The following ETV7 variants were observed in gnomAD, a reference collection of about 807,000 sequenced individuals.
ETV7 encodes the protein transcription factor ETV7.
In ETV7, 43 loss-of-function variants were observed where a neutral mutation model predicts 39.1. The observed-to-expected ratio is 1.10, with a 90% CI of 0.86 to 1.42. The LOEUF (loss-of-function observed/expected upper bound fraction) is 1.42. ETV7 is among the 40% of genes most tolerant of loss of function. The pLI is 0.00. For synonymous variants in ETV7, 196 were observed against 176.6 expected (o/e 1.11, Z -0.87); for missense variants, 432 against 442.3 (o/e 0.98, Z 0.21).
At chr6:36,360,895 G>C (rs186288059) in intron 7 of ETV7, among the ~76,000 whole-genome samples, 1 of 152,148 alleles carries the variant, frequency 6.6e-6, no homozygotes, top group Non-Finnish European at 1.5e-5. Flanking sequence ...CTCTCAAGCC[G>C]AATTCACTAG....
intron 2 of ETV7, among the ~76,000 whole-genome samples, chr6:36,377,701 A>G (rs937367536): frequency 6.6e-6 from 1 of 152,224 alleles, no homozygotes; most frequent in Non-Finnish European, 1.5e-5. Context: ...TTCCTTGTTC[A>G]TTCATTCAGC....
intron 5 of ETV7, 86 bp from the exon 6 acceptor site, chr6:36,369,157 C>T (rs541628265): frequency 6.6e-7 from 1 of 1,510,060 alleles, no homozygotes; most frequent in Admixed American, 1.8e-5. Context: ...TGGAAGCCTC[C>T]CGGCCAGAGC....
intron 7 of ETV7, among the ~76,000 whole-genome samples, chr6:36,359,928 C>T (rs74597314): frequency 6.6e-5 from 10 of 151,804 alleles, no homozygotes; most frequent in Admixed American, 6.6e-4. Context: ...GACCGAGTCT[C>T]ACTCTGATGC....
chr6:36,381,337 G>C (rs1339487473), intron 2 of ETV7, among the ~76,000 whole-genome samples: 1 of 152,184 alleles, frequency 6.6e-6, no homozygotes, highest in African/African-American at 2.4e-5. Context: ...CTTTGGACAA[G>C]ATAATTCACC....
At chr6:36,354,716 T>C in intron 7 of ETV7, 1 of 694,926 alleles carries the variant, frequency 1.4e-6, no homozygotes, top group Admixed American at 2.1e-5. Flanking sequence ...GCAGTTGGAA[T>C]TTTGATAGGG....
intron 3 of ETV7, 162 bp downstream of exon 3, chr6:36,375,709 C>T (rs1773289430): frequency 8.7e-7 from 1 of 1,154,500 alleles, no homozygotes; most frequent in Non-Finnish European, 1.2e-6. Flanking sequence ...CTAGGAACCA[C>T]CAGATACACA....
chr6:36,364,422 T>C (rs1463057791), downstream of ETV7, among the ~76,000 whole-genome samples: 1 of 152,216 alleles, frequency 6.6e-6, no homozygotes, highest in Non-Finnish European at 1.5e-5. Context: ...GCAGCGCCGG[T>C]GGGCTGGCAC....
At chr6:36,363,605 G>A (rs961492143), downstream of ETV7, among the ~76,000 whole-genome samples, 5 of 152,250 alleles carry the variant, frequency 3.3e-5, no homozygotes, top group Non-Finnish European at 5.9e-5. Flanking sequence ...GGTGTCAAAG[G>A]GGACCAGAAC....
chr6:36,370,746 CTT>C (rs1223402743), intron 5 of ETV7, among the ~76,000 whole-genome samples: 2 of 152,000 alleles, frequency 1.3e-5, no homozygotes, highest in Non-Finnish European at 2.9e-5. Context: ...CACCCTTCAG[CTT>C]ATCTGTCAGT....
chr6:36,378,376 G>A (rs535213872), intron 2 of ETV7, among the ~76,000 whole-genome samples: 1 of 152,080 alleles, frequency 6.6e-6, no homozygotes, highest in East Asian at 1.9e-4. Context: ...AATCTTAATA[G>A]AAGTAGAAAT....
intron 2 of ETV7, among the ~76,000 whole-genome samples, chr6:36,377,202 C>A (rs1333734170): frequency 6.6e-6 from 1 of 152,124 alleles, no homozygotes; most frequent in African/African-American, 2.4e-5. Flanking sequence ...GGCTCCCACC[C>A]GTAATCCCAG....
At chr6:36,363,357 C>T (rs959577026), downstream of ETV7, among the ~76,000 whole-genome samples, 1 of 151,962 alleles carries the variant, frequency 6.6e-6, no homozygotes, top group Non-Finnish European at 1.5e-5. Context: ...TAAGGCACCG[C>T]GTCTGGAGTC....
intron 2 of ETV7, among the ~76,000 whole-genome samples, chr6:36,378,411 A>G (rs545506227): frequency 6.6e-6 from 1 of 152,350 alleles, no homozygotes; most frequent in East Asian, 1.9e-4. Flanking sequence ...ACTCAATAAG[A>G]GCAGAGAGGA....
At chr6:36,363,293 T>G (rs949798174), downstream of ETV7, among the ~76,000 whole-genome samples, 3 of 123,924 alleles carry the variant, frequency 2.4e-5, no homozygotes, top group Admixed American at 8.3e-5. Flanking sequence ...GGGTTCGTGG[T>G]CTCGCTGGCT....
Position 36,366,640 on chromosome 6 carries a change from GC to G in ETV7, c.*4del, listed in dbSNP as rs1168710816. 6.2e-7 allele frequency: 1 copy of G among 1,614,136 alleles called. No individual in the cohort carries two copies. The highest frequency in any genetic ancestry group is 1.3e-5 in the African/African-American group (1 of 75,022). On this transcript the variant is annotated 3_prime_UTR_variant, in exon 8 of 8. Coordinates refer to ENST00000340181, the MANE Select transcript of ETV7 (RefSeq NM_016135.4). ...GGTACCGGGTGCCTGGAGTCCACCT[GC>G]CCCTCACGGAGAGATTTCTGGCCTC...
chr6:36,376,508 T>C (rs1156236971), intron 2 of ETV7, among the ~76,000 whole-genome samples: 1 of 152,132 alleles, frequency 6.6e-6, no homozygotes, highest in Non-Finnish European at 1.5e-5. Flanking sequence ...CCAGGCGCGG[T>C]GGCTCATGCC....
At chr6:36,375,297 C>T (rs563224746) in intron 3 of ETV7, among the ~76,000 whole-genome samples, 9 of 152,200 alleles carry the variant, frequency 5.9e-5, no homozygotes, top group East Asian at 1.9e-4. Context: ...GACTCAGATG[C>T]GATTCTAGAG....
chr6:36,354,741 G>A, intron 7 of ETV7: 1 of 679,724 alleles, frequency 1.5e-6, no homozygotes, highest in Admixed American at 2.2e-5. Flanking sequence ...CATTGAATAT[G>A]TAGACCAATT....
At chr6:36,376,593 C>T (rs7758422) in intron 2 of ETV7, among the ~76,000 whole-genome samples, 113,243 of 151,908 alleles carry the variant, frequency 0.75, 42,733 homozygotes, top group African/African-American at 0.87. Context: ...CTGGCCAACA[C>T]GGTGAAACCC....
Sources: gnomAD v4.1 joint callset for allele counts (sites outside exome capture counted in the v4.1 genomes callset) on GRCh38, gnomAD v4.1.1 for gene constraint, MANE v1.5 for transcripts, NCBI Gene and HGNC (gene_info 2026-07-23, HGNC 2026-07-21) for gene names.